The following CGAS variants were observed in gnomAD, a reference collection of about 807,000 sequenced individuals.
The protein encoded by CGAS is cyclic GMP-AMP synthase.
CGAS carries 31 observed loss-of-function variants against 34.0 expected under a neutral mutation model. That is an observed-to-expected ratio of 0.91 (90% CI 0.69 to 1.23). The LOEUF is 1.23. Among genes scored for constraint, CGAS ranks in the 50% most tolerant of loss-of-function variants. CGAS has a pLI of 0.00. For missense variants in CGAS, 597 were observed against 657.6 expected, an observed-to-expected ratio of 0.91 and a Z score of 1.01; for synonymous variants, 266 against 260.0, an observed-to-expected ratio of 1.02 and a Z score of -0.22.
intron 3 of CGAS, among the ~76,000 whole-genome samples, chr6:73,430,573 C>T (rs747862595): frequency 3.2e-4 from 49 of 151,286 alleles, no homozygotes; most frequent in African/African-American, 1.1e-3. Context: ...CCCGGAATGC[C>T]GAGGTTGCAG....
intron 3 of CGAS, among the ~76,000 whole-genome samples, chr6:73,438,694 CAA>C (rs67479262): frequency 2.2e-4 from 26 of 116,818 alleles, no homozygotes; most frequent in African/African-American, 6.7e-4. Flanking sequence ...GAATCCGTCT[CAA>C]AAAAAAAAAA....
In CGAS at chr6:73,424,979, G is replaced by A. The variant is rs1012329177; in HGVS notation, c.*248C>T. The A allele has an allele frequency of 2.2e-5, 6 of 272,244 alleles. 1 individual carries two copies. Among genetic ancestry groups the A allele is most frequent in the East Asian group, 1.1e-4 (1 of 8,904 alleles). 16.9% of individuals were successfully genotyped at this position (272,244 alleles called of 1,614,324 possible). On this transcript the variant is annotated 3_prime_UTR_variant, in exon 5 of 5. Transcript: ENST00000370315. ...AGTGATTCTCATGTCTAAGCCTCCC[G>A]AGTAGCTGGGATTACAGGCATGCAT...
intron 3 of CGAS, among the ~76,000 whole-genome samples, chr6:73,437,340 A>G (rs1770296913): frequency 6.6e-6 from 1 of 152,172 alleles, no homozygotes; most frequent in African/African-American, 2.4e-5. Flanking sequence ...AATTTATGAA[A>G]CGAATTAAAT....
In CGAS at chr6:73,425,352, T is replaced by G. The variant is rs1770066860; in HGVS notation, c.1444A>C (p.Asn482His). ...LQCLRTEKLENYFIPEFNLFS... is the reference protein window; with the variant it reads ...LQCLRTEKLEHYFIPEFNLFS... ...AGATTGAATTCAGGAATAAAATAATTCTCAAGTTTTTCTGTCCTGAGGCAC... is the reference window on the plus strand; with the variant it reads ...AGATTGAATTCAGGAATAAAATAATGCTCAAGTTTTTCTGTCCTGAGGCAC... The change falls in exon 5 of 5, where the codon AAT becomes CAT. Residue 482 changes from asparagine (N) to histidine (H), a missense_variant. Asn to His is a moderately conservative substitution (Grantham distance 68). Transcript: ENST00000370315. The G allele has an allele frequency of 6.2e-7, 1 of 1,611,738 alleles. No homozygotes were observed. Among genetic ancestry groups the G allele is most frequent in the South Asian group, 1.1e-5 (1 of 90,456 alleles).
Position 73,451,548 on chromosome 6 carries a change from C to A in CGAS, c.634G>T (p.Gly212Trp). Residue 212 changes from glycine to tryptophan, a missense_variant, in exon 1 of 5, where the codon GGG becomes TGG. Gly to Trp is a radical substitution (Grantham distance 184). Around this residue, in one of 3 missense-constraint regions of CGAS, gnomAD observed 321 missense variants for 314.3 expected, o/e 1.02. Coordinates refer to ENST00000370315, the MANE Select transcript of CGAS (RefSeq NM_138441.3). ...AFRGVGLLNT[G>W]SYYEHVKISA... is the part of the protein sequence containing the mutation. ...ACCTTCACGTGCTCATAGTAGCTCC[C>A]GGTGTTCAGCAGCCCGACGCCTCTG... 1 of 1,587,256 alleles carries A rather than the reference C, an allele frequency of 6.3e-7. No individual in the cohort carries two copies. The highest frequency in any genetic ancestry group is 1.1e-5 in the South Asian group (1 of 87,696).
At chr6:73,448,473 G>A (rs1411050045) in intron 1 of CGAS, among the ~76,000 whole-genome samples, 4 of 152,060 alleles carry the variant, frequency 2.6e-5, no homozygotes, top group Admixed American at 2.0e-4. Flanking sequence ...TTTTCACTGA[G>A]TCCAAACTAT....
chr6:73,431,184 G>A (rs1770190456), intron 3 of CGAS, among the ~76,000 whole-genome samples: 1 of 151,294 alleles, frequency 6.6e-6, no homozygotes, highest in South Asian at 2.1e-4. Context: ...ATGAAATATG[G>A]ATGAGGCCAG....
rs1430144362 is a variant in CGAS, at chr6:73,446,071, G to A, written c.658-324C>T. Reference sequence around the variant, plus strand: ...GGGCCAGGTGCAGTGGCTCATGCCTGTAATCCCAGCACTTTGGGAGGCCAA... The same window carrying A: ...GGGCCAGGTGCAGTGGCTCATGCCTATAATCCCAGCACTTTGGGAGGCCAA... On this transcript the variant is annotated intron_variant, in intron 1 of 4. Coordinates refer to ENST00000370315, the MANE Select transcript of CGAS (RefSeq NM_138441.3). Among the ~76,000 whole-genome samples, 3 of 152,160 alleles carry A rather than the reference G, an allele frequency of 2.0e-5. 1 individual carries two copies. Among genetic ancestry groups the A allele is most frequent in the Non-Finnish European group, 4.4e-5 (3 of 68,036 alleles).
In CGAS at chr6:73,425,513, T is replaced by G; in HGVS notation, c.1283A>C (p.Lys428Thr). The change falls in exon 5 of 5, where the codon AAA (lysine) becomes ACA (threonine). Residue 428 changes from lysine to threonine, a missense_variant. By Grantham distance (78) the Lys-to-Thr change is moderately conservative. Coordinates refer to ENST00000370315, the MANE Select transcript of CGAS (RefSeq NM_138441.3). ...EQLKERFKDK[K>T]HLDKFSSYHV... is the part of the protein sequence containing the mutation. The stretch of plus-strand genomic sequence containing the variant: ...ATAAGAAGAGAATTTATCCAGATGT[T>G]TTTTGTCTTTAAACCTTTCTTTCAG... The G allele has an allele frequency of 6.2e-7, 1 of 1,613,152 alleles. No homozygotes were observed. The highest frequency in any genetic ancestry group is 2.2e-5 in the East Asian group (1 of 44,872).
chr6:73,451,727 A>G lies in CGAS; in HGVS notation c.455T>C (p.Ile152Thr), dbSNP rs779442760. The G allele has an allele frequency of 2.0e-5, 32 of 1,612,894 alleles. No individual in the cohort carries two copies. In the African/African-American group the frequency reaches 4.0e-4, roughly 20 times the overall value. ...AGGCGCCGCATCCCTCCGTACGAGA[A>G]TGGGGGCCGAGACCGGCAGGCCGGG... ...PSPGLPVSAP[I>T]LVRRDAAPGA... is the part of the protein sequence containing the mutation. Residue 152 changes from isoleucine (I) to threonine (T), a missense_variant, in exon 1 of 5, where the codon ATT becomes ACT. By Grantham distance (89) the Ile-to-Thr change is moderately conservative. Transcript: ENST00000370315.
chr6:73,433,129 A>G (rs1471167975), intron 3 of CGAS, among the ~76,000 whole-genome samples: 2 of 152,142 alleles, frequency 1.3e-5, no homozygotes, highest in Non-Finnish European at 2.9e-5. Flanking sequence ...TCAATTACCT[A>G]TGAATAAATT....
At chr6:73,436,186 T>A (rs983263961) in intron 3 of CGAS, among the ~76,000 whole-genome samples, 1 of 151,794 alleles carries the variant, frequency 6.6e-6, no homozygotes, top group Admixed American at 6.6e-5. Flanking sequence ...CTGAGGAAAC[T>A]AGGACTATAA....
chr6:73,424,872 G>C lies in CGAS; in HGVS notation c.*355C>G, dbSNP rs538545128. On this transcript the variant is annotated 3_prime_UTR_variant, in exon 5 of 5. Coordinates refer to ENST00000370315, the MANE Select transcript of CGAS (RefSeq NM_138441.3). ...TTTCTTATTTATTTATTTATTTTTT[G>C]AGAGGAAGTCTTGCTCTGTCACCCA... The C allele has an allele frequency of 1.3e-5, 2 of 151,760 alleles. No homozygotes were observed. The highest frequency in any genetic ancestry group is 4.2e-4 in the South Asian group (2 of 4,792). 9.4% of individuals were successfully genotyped at this position (151,760 alleles called of 1,614,324 possible).
intron 3 of CGAS, among the ~76,000 whole-genome samples, chr6:73,438,978 G>T (rs1161520597): frequency 6.6e-6 from 1 of 152,130 alleles, no homozygotes; most frequent in East Asian, 1.9e-4. Flanking sequence ...ACCCTTCATA[G>T]ACTATTTTTC....
At chr6:73,449,700 C>G (rs1159066019) in intron 1 of CGAS, among the ~76,000 whole-genome samples, 8 of 151,854 alleles carry the variant, frequency 5.3e-5, no homozygotes, top group African/African-American at 1.9e-4. Flanking sequence ...GAATCATGCT[C>G]AAGACACAGT....
chr6:73,437,600 G>A (rs1471450247), intron 3 of CGAS, among the ~76,000 whole-genome samples: 1 of 151,998 alleles, frequency 6.6e-6, no homozygotes, highest in Non-Finnish European at 1.5e-5. Flanking sequence ...CACTGCGCCT[G>A]GCTGAACATT....
intron 3 of CGAS, among the ~76,000 whole-genome samples, chr6:73,438,676 C>T (rs1270862780): frequency 1.1e-5 from 1 of 87,718 alleles, no homozygotes; most frequent in African/African-American, 4.2e-5. Flanking sequence ...GCCTGGGCAA[C>T]AAAGCAAGAA....
In CGAS at chr6:73,445,623, G is replaced by A. The variant is rs610913; in HGVS notation, c.782C>T (p.Pro261Leu). 11 of 1,611,798 alleles carry A rather than the reference G, an allele frequency of 6.8e-6. No homozygotes were observed. Residue 261 changes from proline to leucine, a missense_variant, in exon 2 of 5, where the codon CCT becomes CTT. By Grantham distance (98) the Pro-to-Leu change is moderately conservative (BLOSUM62 -3). This residue lies in a region of CGAS where 271 missense variants were observed against 324.1 expected (regional missense o/e 0.84). Transcript: ENST00000370315. ...TTCACCTTCTAAAAACTGACTCAGAGGATTTTCTTTCGGATTTCTTTTAAA... is the reference window on the plus strand; with the variant it reads ...TTCACCTTCTAAAAACTGACTCAGAAGATTTTCTTTCGGATTTCTTTTAAA... Reference protein sequence around the residue: ...VKFKRNPKENPLSQFLEGEIL... With the variant: ...VKFKRNPKENLLSQFLEGEIL...
At chr6:73,429,939 G>A in intron 3 of CGAS, among the ~76,000 whole-genome samples, 1 of 151,938 alleles carries the variant, frequency 6.6e-6, no homozygotes, top group Non-Finnish European at 1.5e-5. Flanking sequence ...TAATCTGAAT[G>A]ATTTTTCAGA....
Sources: allele counts gnomAD v4.1 joint callset (sites outside exome capture counted in the v4.1 genomes callset), GRCh38; gene constraint gnomAD v4.1.1; regional missense constraint gnomAD v4.1.1; transcripts MANE v1.5; gene names NCBI Gene and HGNC (gene_info 2026-07-23, HGNC 2026-07-21).